FGF3: variants seen among roughly 807,000 people sequenced by gnomAD.
FGF3 encodes the protein fibroblast growth factor 3, also known as FGF-3.
A neutral mutation model predicts 9.8 loss-of-function variants in FGF3; 7 were observed. The ratio of observed to expected loss-of-function variants is 0.72; its 90% confidence interval spans 0.41 to 1.35. FGF3 has a LOEUF of 1.35. Among genes scored for constraint, FGF3 ranks in the 40% most tolerant of loss-of-function variants. The pLI, the probability that FGF3 is intolerant of heterozygous loss-of-function variation, is 0.01. For missense variants in FGF3, 390 were observed against 345.6 expected (o/e 1.13, Z -1.02); for synonymous variants, 173 against 157.2 (o/e 1.10, Z -0.75).
Position 69,810,261 on chromosome 11 carries a change from G to T in FGF3, c.*44C>A, listed in dbSNP as rs781981072. ...AGAGTCAGAGTCAAGAGGCTGCCAC[G>T]CCAAGATGTCGCCAGGAGCTCTGGC... On this transcript the variant is annotated 3_prime_UTR_variant, in exon 3 of 3. Coordinates refer to ENST00000334134, the MANE Select transcript of FGF3 (RefSeq NM_005247.4). The T allele has an allele frequency of 3.3e-6, 5 of 1,505,670 alleles. No individual in the cohort carries two copies. In the African/African-American group the frequency reaches 7.0e-5, roughly 21 times the overall value. 93.3% of individuals were successfully genotyped at this position (1,505,670 alleles called of 1,614,324 possible).
chr11:69,818,613 C>A, intron 1 of FGF3, 101 bp downstream of exon 1: 1 of 869,132 alleles, frequency 1.2e-6, no homozygotes, highest in Non-Finnish European at 1.6e-6. Flanking sequence ...AGACCCCTCC[C>A]CGGCGCCGCC....
In FGF3 at chr11:69,812,283, G is replaced by C. The variant is rs60375049; in HGVS notation, c.325-1583C>G. Among the ~76,000 whole-genome samples, 473 of 152,244 alleles carry C rather than the reference G, an allele frequency of 3.1e-3. 5 individuals are homozygous for C. The highest frequency in any genetic ancestry group is 0.011 in the African/African-American group (453 of 41,532). ...ATGGCCTCCAGAGGCTCCCAGACTG[G>C]ACCGAGCAGCATCTGACCTCGCAGG... is the stretch of plus-strand genomic sequence containing the variant. On this transcript the variant is annotated intron_variant, in intron 2 of 2. Transcript: ENST00000334134.
chr11:69,811,450 CAA>C (rs33951596), intron 2 of FGF3, among the ~76,000 whole-genome samples: 44,179 of 96,386 alleles, frequency 0.46, 6,745 homozygotes, highest in East Asian at 0.57. Context: ...AACTCTGACT[CAA>C]AAAAAAAAAA....
Position 69,818,834 on chromosome 11 carries a change from C to A in FGF3, c.100G>T (p.Gly34Cys), listed in dbSNP as rs1039515359. Residue 34 changes from glycine to cysteine, a missense_variant, in exon 1 of 3, where the codon GGC becomes TGC. Transcript: ENST00000334134. Reference sequence around the variant, plus strand: ...GCCCCGCCAAGGTGCTCGTAGACGCCGCCACGGCCGCCCGCATCGCGCCGC... The same window carrying A: ...GCCCCGCCAAGGTGCTCGTAGACGCAGCCACGGCCGCCCGCATCGCGCCGC... ...RLRRDAGGRG[G>C]VYEHLGGAPR... The A allele has an allele frequency of 1.9e-5, 28 of 1,478,852 alleles. No homozygotes were observed. In the Admixed American group the frequency reaches 6.5e-4, roughly 34 times the overall value. 91.6% of individuals were successfully genotyped at this position (1,478,852 alleles called of 1,614,324 possible).
rs781935233 is a variant in FGF3 at position 69,810,481 on chromosome 11, C to T, written c.544G>A (p.Val182Met). The T allele has an allele frequency of 1.2e-5, 20 of 1,607,188 alleles. No individual in the cohort carries two copies. The Admixed American group carries it at 2.0e-4, about 16-fold the overall frequency. The change falls in exon 3 of 3, where the codon GTG becomes ATG. Residue 182 changes from valine (V) to methionine (M), a missense_variant. Physicochemically the swap from Val to Met is conservative, Grantham distance 21 (BLOSUM62 1). Coordinates refer to ENST00000334134, the MANE Select transcript of FGF3 (RefSeq NM_005247.4). ...TQKSSLFLPR[V>M]LDHRDHEMVR... ...ATCTCGTGGTCCCTGTGGTCCAGCA[C>T]GCGGGGCAGGAACAGGGAGGACTTC... is the stretch of plus-strand genomic sequence containing the variant.
chr11:69,810,741 T>C, intron 2 of FGF3, 41 bp from the exon 3 acceptor site: 5 of 1,500,908 alleles, frequency 3.3e-6, no homozygotes, highest in Non-Finnish European at 4.5e-6. Context: ...CCGGGGAGAC[T>C]GTGGCAGCGT....
At chr11:69,813,603 G>T (rs1856063224) in intron 2 of FGF3, among the ~76,000 whole-genome samples, 1 of 73,330 alleles carries the variant, frequency 1.4e-5, no homozygotes, top group Non-Finnish European at 3.0e-5. Flanking sequence ...TGGGTGGATG[G>T]ATGGATGGAT....
intron 1 of FGF3, among the ~76,000 whole-genome samples, chr11:69,817,749 G>C (rs1856159781): frequency 6.6e-6 from 1 of 152,080 alleles, no homozygotes; most frequent in Non-Finnish European, 1.5e-5. Context: ...AGCGCCGCGC[G>C]GAGCACCCGA....
chr11:69,811,429 G>C (rs1200082040), intron 2 of FGF3, among the ~76,000 whole-genome samples: 2 of 128,872 alleles, frequency 1.6e-5, no homozygotes, highest in African/African-American at 6.3e-5. Flanking sequence ...CAGTCTGGGC[G>C]ACAAGAGCAA....
At chr11:69,812,815 T>C (rs782597225) in intron 2 of FGF3, among the ~76,000 whole-genome samples, 1 of 152,008 alleles carries the variant, frequency 6.6e-6, no homozygotes, top group Non-Finnish European at 1.5e-5. Context: ...GGCTTTCTCT[T>C]TGGGGGGCCA....
intron 2 of FGF3, among the ~76,000 whole-genome samples, chr11:69,811,323 G>A (rs1012095021): frequency 1.3e-5 from 2 of 151,778 alleles, no homozygotes; most frequent in African/African-American, 2.4e-5. Flanking sequence ...GGTGGCGTGC[G>A]CCCACAATCC....
Position 69,810,165 on chromosome 11 carries a change from C to G in FGF3, c.*140G>C. ...GGGCCCTCTTCAGTTCCCACTGGAC[C>G]CTGATTTGAGCTGGCTCTGGAAATA... On this transcript the variant is annotated 3_prime_UTR_variant, in exon 3 of 3. Coordinates refer to ENST00000334134, the MANE Select transcript of FGF3 (RefSeq NM_005247.4). 1.2e-6 allele frequency: 1 copy of G among 856,316 alleles called. No individual in the cohort carries two copies. Among genetic ancestry groups the G allele is most frequent in the Admixed American group, 3.0e-5 (1 of 33,526 alleles). The allele number at this position is 856,316 out of a possible 1,614,324, so 53.0% of individuals were successfully genotyped here.
rs1554981468 is a variant in FGF3 at position 69,818,945 on chromosome 11, G to T, written c.-12C>A. ...CAGATTAGGCCCATCGTGGCATCGC[G>T]CCCGCCCCGCGGCGGCGGCGGCTGC... On this transcript the variant is annotated 5_prime_UTR_variant, in exon 1 of 3. Transcript: ENST00000334134. 5 of 1,453,492 alleles carry T rather than the reference G, an allele frequency of 3.4e-6. No homozygotes were observed. Among genetic ancestry groups the T allele is most frequent in the Non-Finnish European group, 4.5e-6 (5 of 1,105,282 alleles). The allele number at this position is 1,453,492 out of a possible 1,614,324, so 90.0% of individuals were successfully genotyped here.
At chr11:69,813,838 G>T (rs1190631386) in intron 2 of FGF3, among the ~76,000 whole-genome samples, 2 of 149,700 alleles carry the variant, frequency 1.3e-5, no homozygotes, top group Non-Finnish European at 1.5e-5. Context: ...ATGGGTGGAT[G>T]GCTGGTTGGA....
Position 69,816,361 on chromosome 11 carries a change from GC to G in FGF3, c.282del (p.Arg95GlyfsTer5). The G allele has an allele frequency of 2.5e-6, 4 of 1,614,034 alleles. No homozygotes were observed. Among genetic ancestry groups the G allele is most frequent in the Non-Finnish European group, 3.4e-6 (4 of 1,179,952 alleles). On this transcript the variant is annotated frameshift_variant, in exon 2 of 3. Transcript: ENST00000334134. LOFTEE classifies it low-confidence loss of function (END_TRUNC). Reference protein sequence around the residue: ...GIVAIRGLFSGRYLAMNKRGR... With the variant: ...GIVAIRGLFSXRYLAMNKRGR... ...CCCCTCTTGTTCATGGCCAGGTACC[GC>G]CCGGAGAAGAGACCCCTGATGGCCA...
intron 2 of FGF3, among the ~76,000 whole-genome samples, chr11:69,813,912 AT>A (rs1856083528): frequency 7.4e-6 from 1 of 135,850 alleles, no homozygotes; most frequent in African/African-American, 2.8e-5. Flanking sequence ...GGATGGGTGG[AT>A]TGCTGGATGG....
chr11:69,813,640 GTGGATGGGTGGATGGA>G (rs1856065401), intron 2 of FGF3, among the ~76,000 whole-genome samples: 2 of 102,526 alleles, frequency 2.0e-5, no homozygotes, highest in African/African-American at 3.7e-5. Flanking sequence ...GGATGGATGG[GTGGATGGGTGGATGGA>G]TGGATGGGTG....
At chr11:69,814,872 A>AC (rs1856100572) in intron 2 of FGF3, among the ~76,000 whole-genome samples, 1 of 152,048 alleles carries the variant, frequency 6.6e-6, no homozygotes, top group Non-Finnish European at 1.5e-5. Flanking sequence ...AACCACTGGG[A>AC]CCCCCTCATG....
Position 69,819,014 on chromosome 11 carries a change from G to A in FGF3, c.-81C>T. The A allele has an allele frequency of 1.1e-6, 1 of 944,124 alleles. No homozygotes were observed. The highest frequency in any genetic ancestry group is 1.9e-5 in the South Asian group (1 of 52,414). 58.5% of individuals were successfully genotyped at this position (944,124 alleles called of 1,614,324 possible). On this transcript the variant is annotated 5_prime_UTR_variant, in exon 1 of 3. Coordinates refer to ENST00000334134, the MANE Select transcript of FGF3 (RefSeq NM_005247.4). ...TGGAAGGGGCGGCAGCCGGACAGCTGCGAGGTGCTCGGAGCGGGATCCCGC... is the reference window on the plus strand; with the variant it reads ...TGGAAGGGGCGGCAGCCGGACAGCTACGAGGTGCTCGGAGCGGGATCCCGC...
Sources: allele counts gnomAD v4.1 joint callset (sites outside exome capture counted in the v4.1 genomes callset), GRCh38; gene constraint gnomAD v4.1.1; transcripts MANE v1.5; gene names NCBI Gene and HGNC (gene_info 2026-07-23, HGNC 2026-07-21).